The following CSMD1 variants were observed in gnomAD, a reference collection of about 807,000 sequenced individuals.
The protein encoded by CSMD1 is CUB and sushi domain-containing protein 1.
CSMD1 carries 213 observed loss-of-function variants against 417.5 expected under a neutral mutation model. That is an observed-to-expected ratio of 0.51 (90% CI 0.46 to 0.57). CSMD1 has a LOEUF of 0.57. CSMD1 is among the 20% of genes least tolerant of loss of function. The pLI, the probability that CSMD1 is intolerant of heterozygous loss-of-function variation, is 0.00. For synonymous variants in CSMD1, 2,862 were observed against 1,736.8 expected (o/e 1.65, Z -16.11); for missense variants, 6,923 against 4,529.7 (o/e 1.53, Z -15.17).
Position 4,823,715 on chromosome 8 carries a change from C to T in CSMD1, c.85+170617G>A, listed in dbSNP as rs114893361. Among the ~76,000 whole-genome samples, 489 of 151,982 alleles carry T rather than the reference C, an allele frequency of 3.2e-3. 7 individuals are homozygous for T. The highest frequency in any genetic ancestry group is 0.011 in the African/African-American group (454 of 41,420). ...TGGTGAGAATTAATATAATGCAATA[C>T]AGATACTACAGAAGTGAAATGAGTT... On this transcript the variant is annotated intron_variant, in intron 1 of 69. Transcript: ENST00000635120.
At chr8:3,857,773 G>C (rs1054883394) in intron 5 of CSMD1, among the ~76,000 whole-genome samples, 3 of 152,164 alleles carry the variant, frequency 2.0e-5, no homozygotes, top group Middle Eastern at 3.2e-3. Context: ...TGTGAAGAGA[G>C]ATGCAATGGG....
chr8:3,129,313 T>C (rs1817669575), intron 41 of CSMD1, among the ~76,000 whole-genome samples: 1 of 152,224 alleles, frequency 6.6e-6, no homozygotes, highest in Non-Finnish European at 1.5e-5. Flanking sequence ...ACCAAAGCAA[T>C]TGTCTGACCT....
rs148610264 is a variant in CSMD1, at chr8:3,605,886, C to T, written c.1097+10824G>A. ...GCAGTGCTTAACTTAATTGGTTTAGCAGACTATTAATGAGGTTATGTCCAT... is the reference window on the plus strand; with the variant it reads ...GCAGTGCTTAACTTAATTGGTTTAGTAGACTATTAATGAGGTTATGTCCAT... On this transcript the variant is annotated intron_variant, in intron 8 of 69. Transcript: ENST00000635120. Among the ~76,000 whole-genome samples, 158 of 152,258 alleles carry T rather than the reference C, an allele frequency of 1.0e-3. 1 individual carries two copies. Among genetic ancestry groups the T allele is most frequent in the African/African-American group, 3.7e-3 (154 of 41,546 alleles).
intron 3 of CSMD1, among the ~76,000 whole-genome samples, chr8:4,128,010 G>C (rs939425455): frequency 1.3e-5 from 2 of 152,170 alleles, no homozygotes; most frequent in South Asian, 2.1e-4. Flanking sequence ...TGTCACTTGA[G>C]CAAGTACCAC....
At chr8:4,934,683 T>C (rs1298020656) in intron 1 of CSMD1, among the ~76,000 whole-genome samples, 1 of 152,204 alleles carries the variant, frequency 6.6e-6, no homozygotes, top group Non-Finnish European at 1.5e-5. Flanking sequence ...CTATGATCCA[T>C]CTACTTATAA....
At chr8:4,133,600 T>C (rs1242485412) in intron 3 of CSMD1, among the ~76,000 whole-genome samples, 5 of 152,188 alleles carry the variant, frequency 3.3e-5, no homozygotes, top group Admixed American at 3.3e-4. Flanking sequence ...AATAAACACA[T>C]CTTTCATGCT....
chr8:4,887,504 A>G (rs1047439820), intron 1 of CSMD1, among the ~76,000 whole-genome samples: 2 of 151,976 alleles, frequency 1.3e-5, no homozygotes, highest in East Asian at 3.9e-4. Flanking sequence ...GATGCTATTC[A>G]ATTCTTCTAG....
chr8:4,422,861 G>C (rs1212716658), intron 2 of CSMD1, among the ~76,000 whole-genome samples: 2 of 152,062 alleles, frequency 1.3e-5, no homozygotes, highest in East Asian at 1.9e-4. Flanking sequence ...AGGAATGTTA[G>C]AAAGGTCCAA....
intron 2 of CSMD1, among the ~76,000 whole-genome samples, chr8:4,553,999 GCTTAGTAGAC>G: frequency 6.6e-6 from 1 of 152,280 alleles, no homozygotes; most frequent in African/African-American, 2.4e-5. Context: ...TCTGGCCAAA[GCTTAGTAGAC>G]CTTGCGATCT....
chr8:4,901,030 A>G (rs1804836344), intron 1 of CSMD1, among the ~76,000 whole-genome samples: 1 of 152,230 alleles, frequency 6.6e-6, no homozygotes, highest in South Asian at 2.1e-4. Context: ...GCCGATGTTC[A>G]ACAAATTAAA....
At chr8:4,773,146 A>C (rs1333664584) in intron 1 of CSMD1, among the ~76,000 whole-genome samples, 2 of 152,198 alleles carry the variant, frequency 1.3e-5, no homozygotes, top group Non-Finnish European at 1.5e-5. Flanking sequence ...AATTAAAAAT[A>C]AAGTATCAGA....
intron 52 of CSMD1, among the ~76,000 whole-genome samples, chr8:3,011,312 G>C (rs184903505): frequency 1.3e-5 from 2 of 152,188 alleles, no homozygotes; most frequent in East Asian, 3.9e-4. Flanking sequence ...CACTTAAGAC[G>C]GTATGGCAAA....
intron 54 of CSMD1, among the ~76,000 whole-genome samples, chr8:2,991,960 G>C (rs139982709): frequency 1.3e-5 from 2 of 152,184 alleles, no homozygotes; most frequent in Admixed American, 6.5e-5. Context: ...GTCAAGTACA[G>C]ATGCTTAAAA....
intron 5 of CSMD1, among the ~76,000 whole-genome samples, chr8:3,937,691 A>G (rs1250333796): frequency 6.6e-6 from 1 of 152,170 alleles, no homozygotes; most frequent in African/African-American, 2.4e-5. Context: ...ATCAATAACT[A>G]CAGACATCTT....
At chr8:3,240,936 T>C (rs1467189141) in intron 26 of CSMD1, among the ~76,000 whole-genome samples, 7 of 151,914 alleles carry the variant, frequency 4.6e-5, no homozygotes, top group Admixed American at 6.6e-5. Context: ...TTAATCCTTT[T>C]AAAGCATGCT....
intron 5 of CSMD1, among the ~76,000 whole-genome samples, chr8:3,837,987 T>A (rs147942422): frequency 4.6e-4 from 70 of 152,226 alleles, no homozygotes; most frequent in African/African-American, 1.6e-3. Context: ...TAAACTGGCT[T>A]CTTGGACTTC....
At chr8:3,257,428 C>T (rs1285986626) in intron 26 of CSMD1, among the ~76,000 whole-genome samples, 1 of 152,150 alleles carries the variant, frequency 6.6e-6, no homozygotes, top group African/African-American at 2.4e-5. Context: ...AGGTTAGATT[C>T]TCAAGGGAGG....
chr8:4,949,759 A>T (rs1052915210), intron 1 of CSMD1, among the ~76,000 whole-genome samples: 2 of 152,216 alleles, frequency 1.3e-5, no homozygotes, highest in South Asian at 4.1e-4. Context: ...TTTTCAAAAA[A>T]ATTGATATGA....
chr8:3,087,235 T>C lies in CSMD1; in HGVS notation c.7336A>G (p.Arg2446Gly). ...TTGCTTCCAACCGCTCCTGCAGTCC[T>C]GTTTAGAATACCCCCATTCTTCAGG... is the stretch of plus-strand genomic sequence containing the variant. ...HPLKNGGILN[R>G]TAGAVGSKVH... The change falls in exon 49 of 70, where the codon AGG becomes GGG. Residue 2446 changes from arginine to glycine, a missense_variant. Arg to Gly is a moderately radical substitution (Grantham distance 125). Coordinates refer to ENST00000635120, the MANE Select transcript of CSMD1 (RefSeq NM_033225.6). 1 of 1,614,008 alleles carries C rather than the reference T, an allele frequency of 6.2e-7. No homozygotes were observed. Among genetic ancestry groups the C allele is most frequent in the Non-Finnish European group, 8.5e-7 (1 of 1,179,890 alleles).
Sources: allele counts gnomAD v4.1 joint callset (sites outside exome capture counted in the v4.1 genomes callset), GRCh38; gene constraint gnomAD v4.1.1; transcripts MANE v1.5; gene names NCBI Gene and HGNC (gene_info 2026-07-23, HGNC 2026-07-21).